MAN1A1: variants seen among roughly 807,000 people sequenced by gnomAD.
MAN1A1 encodes the protein mannosidase alpha class 1A member 1.
A neutral mutation model predicts 70.8 loss-of-function variants in MAN1A1; 29 were observed. That is an observed-to-expected ratio of 0.41 (90% CI 0.31 to 0.56). MAN1A1 has a LOEUF of 0.56. Among genes scored for constraint, MAN1A1 ranks in the 20% least tolerant of loss-of-function variants. The probability of loss-of-function intolerance (pLI) is 0.29; values close to 1 mark genes in which losing one functional copy is unlikely to be tolerated. For synonymous variants in MAN1A1, 349 were observed against 330.1 expected, an observed-to-expected ratio of 1.06 and a Z score of -0.62; for missense variants, 747 against 841.3, an observed-to-expected ratio of 0.89 and a Z score of 1.39.
intron 9 of MAN1A1, among the ~76,000 whole-genome samples, chr6:119,191,730 T>C (rs1773446797): frequency 6.6e-6 from 1 of 152,200 alleles, no homozygotes; most frequent in African/African-American, 2.4e-5. Flanking sequence ...CAAAATATTT[T>C]GTTATTAAAA....
chr6:119,225,150 A>G (rs1336069170), intron 6 of MAN1A1, among the ~76,000 whole-genome samples: 1 of 152,168 alleles, frequency 6.6e-6, no homozygotes, highest in Admixed American at 6.5e-5. Context: ...TCTCAATAAA[A>G]AAAAAATTGT....
upstream of MAN1A1, chr6:119,349,773 C>G (rs893249986): frequency 8.9e-5 from 88 of 984,724 alleles, no homozygotes; most frequent in Non-Finnish European, 9.8e-5. Flanking sequence ...ATCTCACTGC[C>G]GGTCTTGGGG....
upstream of MAN1A1, among the ~76,000 whole-genome samples, chr6:119,350,111 C>G (rs1773867724): frequency 6.6e-6 from 1 of 152,048 alleles, no homozygotes; most frequent in African/African-American, 2.4e-5. Context: ...GGTTGATCCT[C>G]GACTGGCCCG....
chr6:119,318,231 C>A (rs1041985308), intron 2 of MAN1A1, among the ~76,000 whole-genome samples: 3 of 152,198 alleles, frequency 2.0e-5, no homozygotes, highest in Non-Finnish European at 4.4e-5. Flanking sequence ...ATTTACTGAA[C>A]ACTTACACAT....
Position 119,260,045 on chromosome 6 carries a change from C to T in MAN1A1, c.898-11691G>A, listed in dbSNP as rs1775565326. On this transcript the variant is annotated intron_variant, in intron 5 of 12. Coordinates refer to ENST00000368468, the MANE Select transcript of MAN1A1 (RefSeq NM_005907.4). ...ATTTCATAATGTTTTAAACCCATCC[C>T]TACCAATTTAATCTACATTGTATAC... Among the ~76,000 whole-genome samples the T allele has an allele frequency of 3.3e-5, 5 of 152,224 alleles. No individual in the cohort carries two copies. In the South Asian group the frequency reaches 8.3e-4, roughly 25 times the overall value.
chr6:119,347,628 T>C (rs115184989), intron 2 of MAN1A1, among the ~76,000 whole-genome samples: 2,049 of 152,316 alleles, frequency 0.013, 42 homozygotes, highest in African/African-American at 0.047. Flanking sequence ...TAACGGGTTC[T>C]AGAGCTCTGG....
At chr6:119,341,850 T>C (rs1163883839) in intron 2 of MAN1A1, among the ~76,000 whole-genome samples, 1 of 152,222 alleles carries the variant, frequency 6.6e-6, no homozygotes, top group African/African-American at 2.4e-5. Flanking sequence ...GCATGGTGGC[T>C]CACACCTGTA....
chr6:119,336,155 C>T (rs1005868777), intron 2 of MAN1A1, among the ~76,000 whole-genome samples: 4 of 152,228 alleles, frequency 2.6e-5, no homozygotes, highest in South Asian at 2.1e-4. Flanking sequence ...CTGCAACCTC[C>T]GCCTCCTGGG....
chr6:119,183,372 G>C (rs1470767206), intron 11 of MAN1A1, among the ~76,000 whole-genome samples: 1 of 151,358 alleles, frequency 6.6e-6, no homozygotes, highest in Non-Finnish European at 1.5e-5. Flanking sequence ...CATGAAGAAA[G>C]AAACTTTCAA....
chr6:119,324,583 T>C (rs1773099832), intron 2 of MAN1A1, among the ~76,000 whole-genome samples: 1 of 152,112 alleles, frequency 6.6e-6, no homozygotes, highest in African/African-American at 2.4e-5. Context: ...GATCAGAGTA[T>C]TTCTTACCCT....
chr6:119,253,553 CAGA>C (rs1373455534), intron 5 of MAN1A1, among the ~76,000 whole-genome samples: 3 of 152,214 alleles, frequency 2.0e-5, no homozygotes, highest in Non-Finnish European at 4.4e-5. Context: ...TTTCCACAAT[CAGA>C]AGGATGCAGA....
intron 2 of MAN1A1, among the ~76,000 whole-genome samples, chr6:119,317,846 A>G (rs184142128): frequency 1.5e-4 from 23 of 152,260 alleles, no homozygotes; most frequent in African/African-American, 5.5e-4. Flanking sequence ...TAGATTGGCC[A>G]TAAAATGTCA....
intron 5 of MAN1A1, among the ~76,000 whole-genome samples, chr6:119,284,754 A>AT (rs933709125): frequency 2.9e-4 from 44 of 152,074 alleles, no homozygotes; most frequent in Admixed American, 1.7e-3. Context: ...TATTTGAGAG[A>AT]TTTTTAAATT....
intron 6 of MAN1A1, among the ~76,000 whole-genome samples, chr6:119,236,880 T>A (rs1028466121): frequency 1.4e-5 from 2 of 145,254 alleles, no homozygotes; most frequent in Non-Finnish European, 3.0e-5. Flanking sequence ...AGAACATTTG[T>A]AATTTATGGG....
intron 5 of MAN1A1, among the ~76,000 whole-genome samples, chr6:119,255,235 C>T (rs1156795263): frequency 2.6e-5 from 4 of 152,188 alleles, no homozygotes; most frequent in African/African-American, 9.6e-5. Context: ...GTTTGAAATA[C>T]ACAATCAATA....
intron 5 of MAN1A1, among the ~76,000 whole-genome samples, chr6:119,279,464 C>A (rs368005034): frequency 3.3e-5 from 5 of 152,208 alleles, no homozygotes; most frequent in African/African-American, 9.6e-5. Flanking sequence ...AAGCATCATA[C>A]GTTTATAAGG....
chr6:119,222,403 T>A (rs1265799110), intron 6 of MAN1A1, among the ~76,000 whole-genome samples: 2 of 150,644 alleles, frequency 1.3e-5, no homozygotes, highest in African/African-American at 2.4e-5. Flanking sequence ...CATGGCTTAC[T>A]GTAGCCTTGA....
chr6:119,340,203 C>A (rs995571085), intron 2 of MAN1A1, among the ~76,000 whole-genome samples: 1 of 152,166 alleles, frequency 6.6e-6, no homozygotes, highest in African/African-American at 2.4e-5. Flanking sequence ...CCTAATCATT[C>A]CACAGGTCTG....
intron 10 of MAN1A1, among the ~76,000 whole-genome samples, chr6:119,189,048 T>C (rs533198217): frequency 3.5e-4 from 53 of 152,316 alleles, no homozygotes; most frequent in African/African-American, 1.2e-3. Context: ...ATAAACATCA[T>C]GTAATATATA....
Sources: allele counts gnomAD v4.1 joint callset (sites outside exome capture counted in the v4.1 genomes callset), GRCh38; gene constraint gnomAD v4.1.1; transcripts MANE v1.5; gene names NCBI Gene and HGNC (gene_info 2026-07-23, HGNC 2026-07-21).